The following ZNF407 variants were observed in gnomAD, a reference collection of about 807,000 sequenced individuals.
ZNF407 encodes zinc finger protein 407.
Under a neutral mutation model 131.2 loss-of-function variants are expected in ZNF407, and 17 were observed. The ratio of observed to expected loss-of-function variants is 0.13; its 90% CI spans 0.09 to 0.19. The LOEUF (loss-of-function observed/expected upper bound fraction) is 0.19, where lower values mean the gene tolerates loss of function less well. Ranked by LOEUF, ZNF407 falls within the 10% of genes least tolerant of loss-of-function variation. The pLI, the probability that ZNF407 is intolerant of heterozygous loss-of-function variation, is 1.00. For missense variants in ZNF407, 2,681 were observed against 2,830.6 expected, an observed-to-expected ratio of 0.95 and a Z score of 1.20; for synonymous variants, 1,156 against 1,062.0, an observed-to-expected ratio of 1.09 and a Z score of -1.72.
chr18:74,744,757 A>G (rs1968628379), intron 3 of ZNF407, among the ~76,000 whole-genome samples: 1 of 120,024 alleles, frequency 8.3e-6, no homozygotes, highest in Non-Finnish European at 1.9e-5. Flanking sequence ...GAAAAGCTCA[A>G]AAACAAACCA....
intron 7 of ZNF407, among the ~76,000 whole-genome samples, chr18:74,904,874 A>G (rs1025411878): frequency 2.0e-5 from 3 of 152,252 alleles, no homozygotes; most frequent in Non-Finnish European, 4.4e-5. Flanking sequence ...TACTGTTAAC[A>G]TAATTTGAAA....
chr18:74,794,192 C>T (rs1193143529), intron 4 of ZNF407, among the ~76,000 whole-genome samples: 2 of 152,170 alleles, frequency 1.3e-5, no homozygotes, highest in African/African-American at 4.8e-5. Context: ...TGCCTTGCCT[C>T]TCTGCCGCAT....
chr18:74,683,277 G>T (rs1967027200), intron 3 of ZNF407, among the ~76,000 whole-genome samples: 1 of 152,074 alleles, frequency 6.6e-6, no homozygotes. Flanking sequence ...TTTGATTTGG[G>T]TTATTCTTTT....
At chr18:74,922,541 G>T (rs547751014) in intron 8 of ZNF407, among the ~76,000 whole-genome samples, 1 of 152,186 alleles carries the variant, frequency 6.6e-6, no homozygotes, top group Non-Finnish European at 1.5e-5. Context: ...GTTCAGTTGA[G>T]ATAATATTTG....
At chr18:74,655,093 A>G (rs899067876) in intron 3 of ZNF407, among the ~76,000 whole-genome samples, 2 of 151,996 alleles carry the variant, frequency 1.3e-5, no homozygotes, top group African/African-American at 2.4e-5. Context: ...TAAAATTTCT[A>G]TATTATGTGA....
intron 8 of ZNF407, among the ~76,000 whole-genome samples, chr18:75,057,213 G>A (rs769502515): frequency 6.6e-6 from 1 of 152,186 alleles, no homozygotes; most frequent in Non-Finnish European, 1.5e-5. Flanking sequence ...CATTTCAGGA[G>A]AAGCTTAGAA....
intron 6 of ZNF407, among the ~76,000 whole-genome samples, chr18:74,884,637 A>G (rs979426463): frequency 6.6e-6 from 1 of 152,186 alleles, no homozygotes; most frequent in African/African-American, 2.4e-5. Context: ...AACCATTTAT[A>G]ATTTATTACA....
intron 7 of ZNF407, among the ~76,000 whole-genome samples, chr18:74,914,298 T>G (rs1200585881): frequency 6.6e-6 from 1 of 152,202 alleles, no homozygotes; most frequent in African/African-American, 2.4e-5. Context: ...GCTGTAGCAG[T>G]AGAGCGGAGT....
intron 4 of ZNF407, among the ~76,000 whole-genome samples, chr18:74,870,107 A>G (rs1438533285): frequency 6.6e-6 from 1 of 152,208 alleles, no homozygotes; most frequent in Non-Finnish European, 1.5e-5. Context: ...TTCTTAGTAG[A>G]CTGAGGCAGC....
At chr18:74,937,629 G>A (rs947342315) in intron 8 of ZNF407, among the ~76,000 whole-genome samples, 10 of 152,282 alleles carry the variant, frequency 6.6e-5, no homozygotes, top group Middle Eastern at 3.4e-3. Context: ...AATTGTGAGA[G>A]TTAAAACCTT....
At chr18:74,720,138 A>G (rs1452324968) in intron 3 of ZNF407, among the ~76,000 whole-genome samples, 1 of 151,808 alleles carries the variant, frequency 6.6e-6, no homozygotes, top group African/African-American at 2.4e-5. Flanking sequence ...TGTATAAGAA[A>G]TAGTTTCCTT....
intron 8 of ZNF407, among the ~76,000 whole-genome samples, chr18:74,963,719 T>G (rs1208925928): frequency 2.6e-5 from 4 of 152,232 alleles, no homozygotes; most frequent in Non-Finnish European, 2.9e-5. Context: ...TAAAACAATA[T>G]CTATGTTACT....
chr18:74,636,091 A>C (rs1171935717), intron 2 of ZNF407, among the ~76,000 whole-genome samples: 1 of 152,210 alleles, frequency 6.6e-6, no homozygotes, highest in African/African-American at 2.4e-5. Context: ...CTTTTAAGGA[A>C]TGGAGTAATC....
At chr18:74,868,746 G>A (rs761832933) in intron 4 of ZNF407, among the ~76,000 whole-genome samples, 27 of 152,174 alleles carry the variant, frequency 1.8e-4, no homozygotes, top group Non-Finnish European at 3.4e-4. Context: ...CCTTAACAGT[G>A]AAGCCTTTTT....
intron 3 of ZNF407, among the ~76,000 whole-genome samples, chr18:74,731,071 AC>A (rs2144895099): frequency 6.6e-6 from 1 of 152,256 alleles, no homozygotes; most frequent in South Asian, 2.1e-4. Flanking sequence ...TTATTTTACT[AC>A]CTCTTTAGAA....
intron 2 of ZNF407, among the ~76,000 whole-genome samples, chr18:74,639,865 T>C (rs1201613918): frequency 6.6e-6 from 1 of 151,978 alleles, no homozygotes; most frequent in Non-Finnish European, 1.5e-5. Flanking sequence ...TTCAACAAAG[T>C]ATTCTTGGAG....
intron 8 of ZNF407, among the ~76,000 whole-genome samples, chr18:75,035,450 T>C (rs1376437493): frequency 1.3e-5 from 2 of 152,238 alleles, no homozygotes; most frequent in African/African-American, 2.4e-5. Context: ...GTGATGATGA[T>C]TGACGTTCAG....
At chr18:74,669,756 C>T (rs138891082) in intron 3 of ZNF407, among the ~76,000 whole-genome samples, 1 of 152,288 alleles carries the variant, frequency 6.6e-6, no homozygotes, top group East Asian at 1.9e-4. Context: ...GTTTTTAGTC[C>T]TCTCAGGTTA....
chr18:74,599,395 C>T (rs998305969), intron 1 of ZNF407, among the ~76,000 whole-genome samples: 5 of 152,150 alleles, frequency 3.3e-5, no homozygotes, highest in African/African-American at 7.2e-5. Flanking sequence ...ACCTTTTAAG[C>T]AGAGCAAAGT....
Sources: allele counts gnomAD v4.1 joint callset (sites outside exome capture counted in the v4.1 genomes callset), GRCh38; gene constraint gnomAD v4.1.1; transcripts MANE v1.5; gene names NCBI Gene and HGNC (gene_info 2026-07-23, HGNC 2026-07-21).